Variants in COL4A4 observed in about 807,000 individuals in gnomAD.
The protein encoded by COL4A4 is collagen type IV alpha 4 chain, also known as collagen alpha-4(IV) chain.
In COL4A4, 105 loss-of-function variants were observed where a neutral mutation model predicts 192.9. That is an observed-to-expected ratio of 0.54 (90% CI 0.46 to 0.64). The LOEUF (loss-of-function observed/expected upper bound fraction) is 0.64, where lower values mean the gene tolerates loss of function less well. Among genes scored for constraint, COL4A4 ranks in the 30% least tolerant of loss-of-function variants. COL4A4 has a pLI of 0.00. For missense variants in COL4A4, 1,967 were observed against 2,169.3 expected, an observed-to-expected ratio of 0.91 and a Z score of 1.85; for synonymous variants, 762 against 769.9, an observed-to-expected ratio of 0.99 and a Z score of 0.17.
intron 31 of COL4A4, among the ~76,000 whole-genome samples, chr2:227,053,614 C>G (rs770934475): frequency 7.4e-6 from 1 of 135,298 alleles, no homozygotes; most frequent in Non-Finnish European, 1.5e-5. Context: ...GTGGCATGAT[C>G]TCTGCTCACT....
chr2:227,030,463 T>A lies in COL4A4; in HGVS notation c.3953A>T (p.Asp1318Val). The change falls in exon 41 of 48, where the codon GAT becomes GTT. Residue 1318 changes from aspartate (D) to valine (V), a missense_variant. Transcript: ENST00000396625. The stretch of plus-strand genomic sequence containing the variant: ...CATACCTTTCTGGCCATCTTTTCCA[T>A]CACATCCTGGAAAGCCTTTGTATCC... ...PPGYKGFPGCDGKDGQKGPVG... is the reference protein window; with the variant it reads ...PPGYKGFPGCVGKDGQKGPVG... 3 of 1,614,186 alleles carry A rather than the reference T, an allele frequency of 1.9e-6. No individual in the cohort carries two copies. The highest frequency in any genetic ancestry group is 2.5e-6 in the Non-Finnish European group (3 of 1,180,036).
At chr2:227,089,761 G>T in intron 21 of COL4A4, 107 bp downstream of exon 21, 2 of 905,374 alleles carry the variant, frequency 2.2e-6, no homozygotes, top group Non-Finnish European at 3.6e-6. Flanking sequence ...GGGTGACTAA[G>T]GTGAGTAACA....
intron 42 of COL4A4, among the ~76,000 whole-genome samples, chr2:227,027,450 G>A (rs2149916868): frequency 6.7e-6 from 1 of 148,814 alleles, no homozygotes; most frequent in Non-Finnish European, 1.5e-5. Flanking sequence ...ACACAAGAAG[G>A]GGAACATCAC....
chr2:227,082,249 A>G, intron 22 of COL4A4, 62 bp from the exon 23 acceptor site: 2 of 1,320,404 alleles, frequency 1.5e-6, no homozygotes, highest in East Asian at 4.6e-5. Flanking sequence ...TTACATCTGT[A>G]CATATTGAAT....
chr2:227,099,928 T>C (rs2150752425), intron 17 of COL4A4, among the ~76,000 whole-genome samples: 1 of 152,300 alleles, frequency 6.6e-6, no homozygotes, highest in South Asian at 2.1e-4. Flanking sequence ...GAAAAGAAAT[T>C]TAACTCCAGT....
chr2:227,154,519 A>G (rs959201041), intron 1 of COL4A4, among the ~76,000 whole-genome samples: 3 of 152,218 alleles, frequency 2.0e-5, no homozygotes, highest in Non-Finnish European at 4.4e-5. Flanking sequence ...GTAACATTAA[A>G]TCTTTGATTT....
intron 4 of COL4A4, among the ~76,000 whole-genome samples, chr2:227,135,286 A>G (rs927501407): frequency 6.6e-6 from 1 of 152,154 alleles, no homozygotes; most frequent in African/African-American, 2.4e-5. Context: ...GAGGGCTCTG[A>G]ACCCGAAAAA....
the COL4A4 span, among the ~76,000 whole-genome samples, chr2:226,974,681 A>G: frequency 1.3e-5 from 2 of 152,114 alleles, no homozygotes; most frequent in African/African-American, 4.8e-5. Context: ...GTACCTGTGG[A>G]AGTGATTTGT....
intron 31 of COL4A4, 64 bp downstream of exon 31, chr2:227,054,530 A>C: frequency 6.4e-7 from 1 of 1,570,606 alleles, no homozygotes; most frequent in Non-Finnish European, 8.8e-7. Context: ...TTCAGAGATC[A>C]CATTTCTAGG....
At chr2:227,086,057 G>A (rs59744398) in intron 22 of COL4A4, among the ~76,000 whole-genome samples, 3,170 of 152,264 alleles carry the variant, frequency 0.021, 106 homozygotes, top group African/African-American at 0.071. Context: ...CCCAAATGTC[G>A]GAGATGGGAT....
chr2:227,091,621 C>T (rs1338000567), intron 20 of COL4A4, among the ~76,000 whole-genome samples: 11 of 152,174 alleles, frequency 7.2e-5, no homozygotes, highest in East Asian at 5.8e-4. Flanking sequence ...GGGCCAGGCA[C>T]GGTGGCTCAC....
intron 3 of COL4A4, 136 bp from the exon 4 acceptor site, chr2:227,140,374 G>T: frequency 1.4e-6 from 1 of 734,764 alleles, no homozygotes; most frequent in Non-Finnish European, 2.4e-6. Context: ...CATATAAAAA[G>T]ATGAAGAACT....
At chr2:227,096,533 T>C (rs1255866237) in intron 19 of COL4A4, among the ~76,000 whole-genome samples, 1 of 152,210 alleles carries the variant, frequency 6.6e-6, no homozygotes, top group African/African-American at 2.4e-5. Context: ...GCAAAGTTTA[T>C]ACCTTACAGA....
At chr2:227,027,802 A>T in intron 42 of COL4A4, 100 bp downstream of exon 42, 1 of 885,010 alleles carries the variant, frequency 1.1e-6, no homozygotes, top group Non-Finnish European at 1.9e-6. Context: ...GGCTTAAATA[A>T]TAAGAATGTG....
At position 227,108,642 on chromosome 2, in the gene COL4A4, G is replaced by T. The variant is rs749978718; in HGVS notation, c.694-20C>A. 1.9e-6 allele frequency: 3 copies of T among 1,613,364 alleles called. No individual in the cohort carries two copies. The highest frequency in any genetic ancestry group is 2.5e-6 in the Non-Finnish European group (3 of 1,179,496). On this transcript the variant is annotated intron_variant, in intron 11 of 47. Coordinates refer to ENST00000396625, the MANE Select transcript of COL4A4 (RefSeq NM_000092.5). ...ATTTCCCTGAGAAAGAAATGAAAAAGAATCTAATTGCTTTTGAATTTTAAA... is the reference window on the plus strand; with the variant it reads ...ATTTCCCTGAGAAAGAAATGAAAAATAATCTAATTGCTTTTGAATTTTAAA...
At chr2:227,039,034 A>T (rs1970269946) in intron 37 of COL4A4, among the ~76,000 whole-genome samples, 1 of 152,230 alleles carries the variant, frequency 6.6e-6, no homozygotes, top group African/African-American at 2.4e-5. Flanking sequence ...TGGTATGAAC[A>T]TGCCAAGTAA....
chr2:227,089,862 A>C lies in COL4A4; in HGVS notation c.1459+6T>G, dbSNP rs1451462733. The stretch of plus-strand genomic sequence containing the variant: ...TCTAGAAATTCTACCTTTGGTGCCT[A>C]CTTGCCTTTTTCTCCTTTTGGGCCT... On this transcript the variant is annotated splice_donor_region_variant and intron_variant, in intron 21 of 47. Transcript: ENST00000396625. 1 of 1,609,328 alleles carries C rather than the reference A, an allele frequency of 6.2e-7. No individual in the cohort carries two copies. Among genetic ancestry groups the C allele is most frequent in the Non-Finnish European group, 8.5e-7 (1 of 1,176,012 alleles).
In COL4A4 at chr2:227,118,706, C is replaced by A. The variant is rs1553695389; in HGVS notation, c.428G>T (p.Gly143Val). 1 of 1,614,026 alleles carries A rather than the reference C, an allele frequency of 6.2e-7. No homozygotes were observed. Among genetic ancestry groups the A allele is most frequent in the Non-Finnish European group, 8.5e-7 (1 of 1,180,008 alleles). Reference sequence around the variant, plus strand: ...TGGAAACCCTGGGTCACCTCTTGAGCCATTGTGGCCACTCATACCAGGTTT... The same window carrying A: ...TGGAAACCCTGGGTCACCTCTTGAGACATTGTGGCCACTCATACCAGGTTT... ...RGKPGMSGHN[G>V]SRGDPGFPGG... Residue 143 changes from glycine (G) to valine (V), a missense_variant, in exon 7 of 48, where the codon GGC (glycine) becomes GTC (valine). Transcript: ENST00000396625.
At chr2:227,110,422 C>T (rs113511512) in intron 9 of COL4A4, among the ~76,000 whole-genome samples, 11,521 of 152,178 alleles carry the variant, frequency 0.076, 858 homozygotes, top group African/African-American at 0.2. Context: ...GAGTCTCTGT[C>T]GCCCAGGCTG....
Sources: gnomAD v4.1 joint callset for allele counts (sites outside exome capture counted in the v4.1 genomes callset) on GRCh38, gnomAD v4.1.1 for gene constraint, MANE v1.5 for transcripts, NCBI Gene and HGNC (gene_info 2026-07-23, HGNC 2026-07-21) for gene names.